The following PRKG2 variants were observed in gnomAD, a reference collection of about 807,000 sequenced individuals.
The protein encoded by PRKG2 is protein kinase cGMP-dependent 2, also known as cGMP-dependent protein kinase 2.
A neutral mutation model predicts 97.2 loss-of-function variants in PRKG2; 33 were observed. The ratio of observed to expected loss-of-function variants is 0.34; its 90% CI spans 0.26 to 0.45. The LOEUF (loss-of-function observed/expected upper bound fraction) is 0.45, where lower values mean the gene tolerates loss of function less well. PRKG2 is among the 20% of genes least tolerant of loss of function. The probability of loss-of-function intolerance (pLI) is 1.00; values close to 1 mark genes in which losing one functional copy is unlikely to be tolerated. For synonymous variants in PRKG2, 330 were observed against 321.8 expected (o/e 1.03, Z -0.27); for missense variants, 638 against 900.0 (o/e 0.71, Z 3.73).
At chr4:81,091,549 C>T (rs1307079625) in intron 18 of PRKG2, among the ~76,000 whole-genome samples, 1 of 152,044 alleles carries the variant, frequency 6.6e-6, no homozygotes, top group East Asian at 1.9e-4. Flanking sequence ...TCCTAAAGTG[C>T]TAGGATTACA....
At chr4:81,174,701 G>C in intron 3 of PRKG2, 92 bp downstream of exon 3, 1 of 1,294,684 alleles carries the variant, frequency 7.7e-7, no homozygotes, top group South Asian at 1.6e-5. Flanking sequence ...TCTACAAATA[G>C]AGCAACCAGT....
chr4:81,172,369 G>A (rs1029522691), intron 3 of PRKG2, among the ~76,000 whole-genome samples: 4 of 152,058 alleles, frequency 2.6e-5, no homozygotes, highest in African/African-American at 4.8e-5. Context: ...ATCAGCCCTG[G>A]AATCAGACTG....
rs779455324 is a variant in PRKG2 at position 81,153,656 on chromosome 4, C to T, written c.978G>A (p.Leu326=). 4 of 1,593,676 alleles carry T rather than the reference C, an allele frequency of 2.5e-6. No homozygotes were observed. In the Admixed American group the frequency reaches 6.7e-5, roughly 27 times the overall value. ...AATTAATAGTTACCTTTCCTTTTGC[C>T]AAAATGAAAAAGGTACTTCCTTCCT... ...EGEEGSTFFI[L]AKGKVKVTQS... The change falls in exon 7 of 19, where the codon TTG becomes TTA. Residue 326 remains leucine (L), a synonymous_variant. Coordinates refer to ENST00000264399, the MANE Select transcript of PRKG2 (RefSeq NM_006259.3).
At chr4:81,107,926 C>T (rs755823782) in intron 15 of PRKG2, among the ~76,000 whole-genome samples, 2 of 151,840 alleles carry the variant, frequency 1.3e-5, no homozygotes, top group Non-Finnish European at 2.9e-5. Context: ...CTTTCGAGGC[C>T]GGGCATGGTG....
At chr4:81,191,856 T>C (rs1310314258) in intron 2 of PRKG2, among the ~76,000 whole-genome samples, 1 of 152,156 alleles carries the variant, frequency 6.6e-6, no homozygotes, top group Non-Finnish European at 1.5e-5. Context: ...ATGCATGAAG[T>C]CATTTAATAC....
At chr4:81,165,654 C>T (rs935955451) in intron 6 of PRKG2, among the ~76,000 whole-genome samples, 3 of 152,120 alleles carry the variant, frequency 2.0e-5, no homozygotes, top group African/African-American at 7.2e-5. Context: ...CCTTTATAAA[C>T]TGTGCTGCTG....
chr4:81,131,022 A>T (rs1746123518), intron 14 of PRKG2, among the ~76,000 whole-genome samples: 1 of 152,094 alleles, frequency 6.6e-6, no homozygotes, highest in African/African-American at 2.4e-5. Flanking sequence ...TCCAAGTGCC[A>T]CTGGGGTATG....
chr4:81,162,169 G>A (rs1277981626), intron 6 of PRKG2, among the ~76,000 whole-genome samples: 1 of 152,126 alleles, frequency 6.6e-6, no homozygotes, highest in Non-Finnish European at 1.5e-5. Flanking sequence ...TTGAGGACTA[G>A]TTAAGACGGT....
intron 6 of PRKG2, among the ~76,000 whole-genome samples, chr4:81,158,444 T>TGTGAAGGACCTCTTCAAGGAG (rs1749305981): frequency 2.2e-5 from 3 of 137,132 alleles, no homozygotes; most frequent in African/African-American, 1.1e-4. Flanking sequence ...CTCAAGGAAA[T>TGTGAAGGACCTCTTCAAGGAG]AAAAGAGGAT....
At chr4:81,128,575 C>T (rs1745838948) in intron 14 of PRKG2, among the ~76,000 whole-genome samples, 1 of 151,958 alleles carries the variant, frequency 6.6e-6, no homozygotes, top group South Asian at 2.1e-4. Flanking sequence ...TGTATGTGTC[C>T]AATAATTTAT....
intron 2 of PRKG2, among the ~76,000 whole-genome samples, chr4:81,202,640 T>C (rs997643066): frequency 6.6e-6 from 1 of 152,116 alleles, no homozygotes; most frequent in Non-Finnish European, 1.5e-5. Context: ...ATAATCCTTA[T>C]TCAGGAGATA....
At chr4:81,145,085 T>C (rs923161700) in intron 9 of PRKG2, among the ~76,000 whole-genome samples, 1 of 152,146 alleles carries the variant, frequency 6.6e-6, no homozygotes, top group African/African-American at 2.4e-5. Context: ...CATGAGTCTT[T>C]ATAGCAGTAT....
chr4:81,104,476 TATA>T (rs1175830845), intron 16 of PRKG2, 44 bp from the exon 17 acceptor site: 6 of 882,190 alleles, frequency 6.8e-6, no homozygotes, highest in East Asian at 3.9e-5. Flanking sequence ...TAATTATATT[TATA>T]ATAATTATAA....
chr4:81,189,815 C>A (rs57715585), intron 2 of PRKG2, among the ~76,000 whole-genome samples: 2 of 151,952 alleles, frequency 1.3e-5, no homozygotes, highest in South Asian at 2.1e-4. Flanking sequence ...CATGAGTGAA[C>A]TCCCATTCAC....
intron 2 of PRKG2, among the ~76,000 whole-genome samples, chr4:81,177,425 GC>G (rs1751026486): frequency 6.6e-6 from 1 of 152,106 alleles, no homozygotes; most frequent in Non-Finnish European, 1.5e-5. Flanking sequence ...GTAAGTTTCG[GC>G]CAGGCGCGGT....
At chr4:81,140,502 C>A in intron 12 of PRKG2, 31 bp downstream of exon 12, 1 of 1,531,772 alleles carries the variant, frequency 6.5e-7, no homozygotes, top group Non-Finnish European at 8.8e-7. Flanking sequence ...CCTGAAAATC[C>A]TAACTCCTTG....
intron 10 of PRKG2, among the ~76,000 whole-genome samples, chr4:81,143,357 C>G (rs557667252): frequency 6.6e-6 from 1 of 152,284 alleles, no homozygotes; most frequent in Non-Finnish European, 1.5e-5. Context: ...AAGGAAGCCA[C>G]TTCCTTTGCT....
intron 2 of PRKG2, among the ~76,000 whole-genome samples, chr4:81,198,653 A>G (rs1266693191): frequency 6.6e-6 from 1 of 152,186 alleles, no homozygotes; most frequent in Non-Finnish European, 1.5e-5. Context: ...TTCCAAAAAT[A>G]TATAAACATT....
intron 16 of PRKG2, among the ~76,000 whole-genome samples, chr4:81,105,503 T>G (rs1398336153): frequency 1.3e-5 from 2 of 152,148 alleles, no homozygotes; most frequent in Non-Finnish European, 2.9e-5. Context: ...AATAGTAAAT[T>G]ACTCCTTTTT....
Sources: allele counts gnomAD v4.1 joint callset (sites outside exome capture counted in the v4.1 genomes callset), GRCh38; gene constraint gnomAD v4.1.1; transcripts MANE v1.5; gene names NCBI Gene and HGNC (gene_info 2026-07-23, HGNC 2026-07-21).